Variants in WWOX observed in about 807,000 individuals in gnomAD.
WWOX encodes the protein WW domain containing oxidoreductase, also known as WW domain-containing oxidoreductase.
WWOX carries 69 observed loss-of-function variants against 46.2 expected under a neutral mutation model. That is an observed-to-expected ratio of 1.49 (90% CI 1.23 to 1.82). The LOEUF is 1.82. Ranked by LOEUF, WWOX falls within the 40% of genes most tolerant of loss-of-function variation. WWOX has a pLI of 0.00. For missense variants in WWOX, 919 were observed against 542.6 expected (o/e 1.69, Z -6.89); for synonymous variants, 359 against 202.6 (o/e 1.77, Z -6.56).
intron 8 of WWOX, among the ~76,000 whole-genome samples, chr16:78,764,094 C>T (rs532023102): frequency 1.3e-5 from 2 of 152,286 alleles, no homozygotes; most frequent in African/African-American, 4.8e-5. Context: ...TGAGTAGGAT[C>T]AGCTGGTGCT....
At chr16:78,996,219 T>G (rs771556250) in intron 8 of WWOX, 2 of 985,312 alleles carry the variant, frequency 2.0e-6, no homozygotes, top group Admixed American at 1.2e-4. Context: ...TGAAGACTTG[T>G]GGATAGAAGA....
intron 8 of WWOX, among the ~76,000 whole-genome samples, chr16:78,627,335 T>G (rs1420972737): frequency 1.3e-5 from 2 of 152,138 alleles, no homozygotes; most frequent in African/African-American, 4.8e-5. Context: ...AACTACTCAG[T>G]ATGGAGAAGA....
At chr16:78,446,616 C>T (rs1251375314) in intron 8 of WWOX, among the ~76,000 whole-genome samples, 7 of 142,622 alleles carry the variant, frequency 4.9e-5, no homozygotes, top group African/African-American at 1.8e-4. Context: ...ATATGTTTTT[C>T]TTACTATTTG....
intron 8 of WWOX, among the ~76,000 whole-genome samples, chr16:78,986,410 A>G (rs892285616): frequency 7.2e-5 from 11 of 152,114 alleles, no homozygotes; most frequent in Non-Finnish European, 1.6e-4. Context: ...TTGGACATGA[A>G]CTGGTTTCCA....
intron 3 of WWOX, among the ~76,000 whole-genome samples, chr16:78,114,246 G>A (rs7206182): frequency 0.82 from 124,309 of 151,912 alleles, 51,003 homozygotes; most frequent in Admixed American, 0.86. Flanking sequence ...GACTACAGGC[G>A]TGTGCTATCA....
At chr16:78,409,360 C>G (rs2082621570) in intron 6 of WWOX, among the ~76,000 whole-genome samples, 1 of 152,154 alleles carries the variant, frequency 6.6e-6, no homozygotes, top group Non-Finnish European at 1.5e-5. Context: ...CTGTGCCTTA[C>G]TGTAGTCATA....
At chr16:79,099,840 A>G (rs545728766) in intron 8 of WWOX, among the ~76,000 whole-genome samples, 2 of 152,208 alleles carry the variant, frequency 1.3e-5, no homozygotes, top group South Asian at 2.1e-4. Flanking sequence ...GAGCAACAGC[A>G]TGAGTAGGAG....
At chr16:78,344,294 G>C (rs1349061520) in intron 5 of WWOX, among the ~76,000 whole-genome samples, 1 of 120,370 alleles carries the variant, frequency 8.3e-6, no homozygotes, top group East Asian at 1.9e-4. Flanking sequence ...GTAAGTGATA[G>C]CACCCATTGC....
At chr16:78,942,944 C>T (rs1044850305) in intron 8 of WWOX, among the ~76,000 whole-genome samples, 9 of 152,272 alleles carry the variant, frequency 5.9e-5, no homozygotes, top group Non-Finnish European at 1.2e-4. Context: ...ATAAGATATT[C>T]ATTTGCAAGT....
intron 8 of WWOX, among the ~76,000 whole-genome samples, chr16:78,462,269 A>C (rs1466998172): frequency 6.6e-6 from 1 of 151,650 alleles, no homozygotes; most frequent in Non-Finnish European, 1.5e-5. Context: ...TTTCCTCTGG[A>C]AGCTGGTAGC....
intron 8 of WWOX, among the ~76,000 whole-genome samples, chr16:79,128,456 TC>T (rs1267310739): frequency 2.0e-5 from 3 of 151,848 alleles, no homozygotes; most frequent in Non-Finnish European, 4.4e-5. Context: ...GTCATTATCA[TC>T]CCCCTGTTAC....
chr16:78,743,288 C>G (rs923203330), intron 8 of WWOX, among the ~76,000 whole-genome samples: 1 of 152,120 alleles, frequency 6.6e-6, no homozygotes, highest in East Asian at 1.9e-4. Flanking sequence ...CCCTCAGAGA[C>G]CAGTATTCCC....
At chr16:78,537,222 C>G (rs2043780563) in intron 8 of WWOX, among the ~76,000 whole-genome samples, 1 of 152,014 alleles carries the variant, frequency 6.6e-6, no homozygotes, top group South Asian at 2.1e-4. Flanking sequence ...CAGCCAGAGT[C>G]AAGTATTTCA....
At chr16:78,643,297 G>T (rs2046764082) in intron 8 of WWOX, among the ~76,000 whole-genome samples, 1 of 152,166 alleles carries the variant, frequency 6.6e-6, no homozygotes, top group African/African-American at 2.4e-5. Flanking sequence ...GTCATATTTG[G>T]CTAACGAAAA....
At chr16:78,480,129 G>A (rs74028839) in intron 8 of WWOX, among the ~76,000 whole-genome samples, 4,164 of 152,286 alleles carry the variant, frequency 0.027, 93 homozygotes, top group African/African-American at 0.06. Flanking sequence ...TGGTAGCCAC[G>A]TGTGACTATT....
chr16:78,128,065 C>T (rs1410867681), intron 4 of WWOX, among the ~76,000 whole-genome samples: 1 of 151,944 alleles, frequency 6.6e-6, no homozygotes. Context: ...AGGTTGCTGG[C>T]GTTTGGGGAA....
chr16:79,000,977 G>A (rs375651038), intron 8 of WWOX, among the ~76,000 whole-genome samples: 2 of 152,166 alleles, frequency 1.3e-5, no homozygotes, highest in South Asian at 2.1e-4. Context: ...GATTCCTAGG[G>A]CCTACCACCG....
chr16:78,999,816 A>G (rs1236660513), intron 8 of WWOX, among the ~76,000 whole-genome samples: 1 of 152,184 alleles, frequency 6.6e-6, no homozygotes, highest in African/African-American at 2.4e-5. Flanking sequence ...CCACTACGCC[A>G]TATATGCGTG....
At chr16:78,459,167 C>G (rs1268828101) in intron 8 of WWOX, among the ~76,000 whole-genome samples, 1 of 152,112 alleles carries the variant, frequency 6.6e-6, no homozygotes, top group South Asian at 2.1e-4. Flanking sequence ...TTCCCATAAC[C>G]TTAGAGATTA....
Sources: gnomAD v4.1 joint callset for allele counts (sites outside exome capture counted in the v4.1 genomes callset) on GRCh38, gnomAD v4.1.1 for gene constraint, MANE v1.5 for transcripts, NCBI Gene and HGNC (gene_info 2026-07-23, HGNC 2026-07-21) for gene names.